MAK: variants seen among roughly 807,000 people sequenced by gnomAD.
MAK encodes the protein serine/threonine-protein kinase MAK.
A neutral mutation model predicts 82.6 loss-of-function variants in MAK; 65 were observed. The ratio of observed to expected loss-of-function variants is 0.79; its 90% CI spans 0.64 to 0.97. The LOEUF (loss-of-function observed/expected upper bound fraction) is 0.97. Among genes scored for constraint, MAK ranks in the 50% least tolerant of loss-of-function variants. The pLI is 0.00. For missense variants in MAK, 703 were observed against 780.2 expected (o/e 0.90, Z 1.18); for synonymous variants, 250 against 274.2 (o/e 0.91, Z 0.87).
intron 5 of MAK, 42 bp from the exon 6 acceptor site, chr6:10,808,984 C>A: frequency 1.3e-6 from 2 of 1,509,228 alleles, no homozygotes; most frequent in Non-Finnish European, 9.2e-7. Context: ...TAAATCATTA[C>A]GTTTAAACAT....
chr6:10,801,231 G>A (rs1017541671), intron 8 of MAK, among the ~76,000 whole-genome samples: 7 of 152,024 alleles, frequency 4.6e-5, no homozygotes, highest in East Asian at 1.9e-4. Context: ...TTTAAAAAAA[G>A]CAAAATAAAT....
chr6:10,790,263 A>C (rs947395162), intron 10 of MAK, among the ~76,000 whole-genome samples: 1 of 152,114 alleles, frequency 6.6e-6, no homozygotes, highest in African/African-American at 2.4e-5. Context: ...TCCAAGCAAA[A>C]AAAGAATTAT....
chr6:10,818,111 A>G, intron 3 of MAK, 140 bp from the exon 4 acceptor site: 1 of 499,214 alleles, frequency 2.0e-6, no homozygotes, highest in South Asian at 2.2e-5. Flanking sequence ...ACATTTTAAT[A>G]TCTACATAAT....
At chr6:10,779,298 TG>T in intron 11 of MAK, 2 of 974,362 alleles carry the variant, frequency 2.1e-6, no homozygotes, top group African/African-American at 3.5e-5. Context: ...GCAACTATCT[TG>T]TGATAATTAA....
intron 14 of MAK, among the ~76,000 whole-genome samples, chr6:10,765,440 A>ATTTTTTTTTTTTTTTT (rs200536068): frequency 2.3e-5 from 3 of 130,618 alleles, no homozygotes; most frequent in African/African-American, 1.0e-4. Context: ...TAGAATGAAG[A>ATTTTTTTTTTTTTTTT]TTTTTTTTTT....
At chr6:10,826,357 T>C (rs906575373) in intron 2 of MAK, among the ~76,000 whole-genome samples, 1 of 151,766 alleles carries the variant, frequency 6.6e-6, no homozygotes, top group Non-Finnish European at 1.5e-5. Context: ...GGACCCAATA[T>C]TCCCCCATCA....
intron 14 of MAK, among the ~76,000 whole-genome samples, chr6:10,769,231 A>G (rs966344530): frequency 2.6e-5 from 4 of 152,222 alleles, no homozygotes; most frequent in Non-Finnish European, 5.9e-5. Flanking sequence ...AAGAATTAAA[A>G]TAAATAAATT....
At chr6:10,814,678 GC>G (rs1190718872) in intron 4 of MAK, among the ~76,000 whole-genome samples, 1 of 150,190 alleles carries the variant, frequency 6.7e-6, no homozygotes, top group Non-Finnish European at 1.5e-5. Flanking sequence ...AAAAAAAAAA[GC>G]GGGGGGGAAA....
intron 5 of MAK, among the ~76,000 whole-genome samples, chr6:10,813,136 A>T (rs28457634): frequency 0.33 from 239 of 716 alleles, 82 homozygotes; most frequent in South Asian, 0.7. Context: ...ATATATATAA[A>T]TTTTTTTTTT....
At chr6:10,829,678 A>AT (rs1316135819) in intron 2 of MAK, among the ~76,000 whole-genome samples, 2 of 152,194 alleles carry the variant, frequency 1.3e-5, no homozygotes, top group Non-Finnish European at 2.9e-5. Flanking sequence ...AGGCACTCAT[A>AT]TTTTTTGGTT....
intron 6 of MAK, among the ~76,000 whole-genome samples, chr6:10,808,033 A>C (rs751331872): frequency 6.6e-6 from 1 of 151,836 alleles, no homozygotes; most frequent in African/African-American, 2.4e-5. Flanking sequence ...ACGCCATTGC[A>C]CTCCAGCCTG....
At chr6:10,809,926 C>T (rs980917168) in intron 5 of MAK, among the ~76,000 whole-genome samples, 11 of 151,620 alleles carry the variant, frequency 7.3e-5, no homozygotes, top group African/African-American at 1.2e-4. Context: ...GATGAAACCC[C>T]GTCTATACTA....
chr6:10,804,081 AG>A (rs1776223037), intron 6 of MAK, among the ~76,000 whole-genome samples, 190 bp from the exon 7 acceptor site: 1 of 152,200 alleles, frequency 6.6e-6, no homozygotes. Context: ...CCCTGATCAC[AG>A]ACAATGAGTG....
chr6:10,769,132 T>G (rs1561927924), intron 14 of MAK, among the ~76,000 whole-genome samples: 1 of 152,148 alleles, frequency 6.6e-6, no homozygotes, highest in Non-Finnish European at 1.5e-5. Flanking sequence ...GAGGATCACT[T>G]GAGCCCAGGA....
chr6:10,803,994 A>G, intron 6 of MAK, 103 bp from the exon 7 acceptor site: 1 of 966,770 alleles, frequency 1.0e-6, no homozygotes, highest in East Asian at 2.5e-5. Flanking sequence ...ATCAAGGAAC[A>G]GGTATTCAGA....
chr6:10,791,536 G>T, intron 10 of MAK, 139 bp downstream of exon 10: 1 of 742,282 alleles, frequency 1.3e-6, no homozygotes, highest in Non-Finnish European at 2.2e-6. Context: ...CAAAGTGCTG[G>T]GATTACAGGC....
At position 10,764,293 on chromosome 6, in the gene MAK, ATAAG is replaced by A; in HGVS notation, c.*155_*158del. ...TGCTAAGAAAATGCATTTCTTGGAA[ATAAG>A]TAAAATAGGGGATGATTTTTGCCCT... On this transcript the variant is annotated 3_prime_UTR_variant, in exon 15 of 15. Coordinates refer to ENST00000354489, the MANE Select transcript of MAK (RefSeq NM_001242957.3). The A allele has an allele frequency of 1.5e-6, 1 of 680,200 alleles. No individual in the cohort carries two copies. Among genetic ancestry groups the A allele is most frequent in the African/African-American group, 1.8e-5 (1 of 55,338 alleles). The allele number at this position is 680,200 out of a possible 1,614,324, so 42.1% of individuals were successfully genotyped here. A position where few individuals can be genotyped will look rare whatever the true frequency, so the allele number is the denominator to read the frequency against.
intron 6 of MAK, among the ~76,000 whole-genome samples, chr6:10,804,797 T>C (rs1416015150): frequency 6.6e-6 from 1 of 152,236 alleles, no homozygotes; most frequent in Non-Finnish European, 1.5e-5. Flanking sequence ...TGGCATACTG[T>C]CTTTTTGCTT....
chr6:10,805,614 G>A (rs1001684134), intron 6 of MAK, among the ~76,000 whole-genome samples: 8 of 151,400 alleles, frequency 5.3e-5, no homozygotes, highest in African/African-American at 1.9e-4. Context: ...TTTGTGACCA[G>A]AAACGTGCCA....
Sources: gnomAD v4.1 joint callset for allele counts (sites outside exome capture counted in the v4.1 genomes callset) on GRCh38, gnomAD v4.1.1 for gene constraint, MANE v1.5 for transcripts, NCBI Gene and HGNC (gene_info 2026-07-23, HGNC 2026-07-21) for gene names.